Variants in KLRC3 observed in about 807,000 individuals in gnomAD.
KLRC3 encodes the protein NKG2-E type II integral membrane protein.
In KLRC3, 16 loss-of-function variants were observed where a neutral mutation model predicts 23.6. That is an observed-to-expected ratio of 0.68 (90% CI 0.46 to 1.03). The LOEUF (loss-of-function observed/expected upper bound fraction) is 1.03, where lower values mean the gene tolerates loss of function less well. Among genes scored for constraint, KLRC3 ranks in the 50% least tolerant of loss-of-function variants. KLRC3 has a pLI of 0.00. For missense variants in KLRC3, 209 were observed against 232.2 expected, an observed-to-expected ratio of 0.90 and a Z score of 0.65; for synonymous variants, 70 against 71.8, an observed-to-expected ratio of 0.98 and a Z score of 0.13.
At chr12:10,414,556 G>T (rs1863613165) in intron 6 of KLRC3, among the ~76,000 whole-genome samples, 2 of 142,004 alleles carry the variant, frequency 1.4e-5, no homozygotes, top group African/African-American at 5.2e-5. Context: ...AAAAATAAAA[G>T]TGTGATTATT....
intron 6 of KLRC3, among the ~76,000 whole-genome samples, chr12:10,413,692 A>C (rs892374212): frequency 6.6e-6 from 1 of 152,206 alleles, no homozygotes; most frequent in Non-Finnish European, 1.5e-5. Flanking sequence ...GGTTTGTTAC[A>C]TAGGCATAGA....
In KLRC3 at chr12:10,415,811, T is replaced by C. The variant is rs1344771134; in HGVS notation, c.588-17A>G. 3 of 1,566,192 alleles carry C rather than the reference T, an allele frequency of 1.9e-6. No homozygotes were observed. Among genetic ancestry groups the C allele is most frequent in the East Asian group, 2.2e-5 (1 of 44,582 alleles). Reference sequence around the variant, plus strand: ...TCTTTTATCCTGTAATGGAGAAAAATCCATAATTCTGTTACATTTTATGCA... The same window carrying C: ...TCTTTTATCCTGTAATGGAGAAAAACCCATAATTCTGTTACATTTTATGCA... On this transcript the variant is annotated splice_polypyrimidine_tract_variant and intron_variant, in intron 5 of 6. Transcript: ENST00000396439.
intron 6 of KLRC3, 25 bp downstream of exon 6, chr12:10,415,679 C>T: frequency 6.2e-7 from 1 of 1,613,426 alleles, no homozygotes; most frequent in Non-Finnish European, 8.5e-7. Flanking sequence ...AGCTCAAGCG[C>T]TTTAATTCTA....
intron 6 of KLRC3, among the ~76,000 whole-genome samples, chr12:10,413,293 A>G (rs1229806274): frequency 6.6e-6 from 1 of 152,180 alleles, no homozygotes; most frequent in Non-Finnish European, 1.5e-5. Flanking sequence ...GGCCAAAGAA[A>G]TTATCAAGAT....
At chr12:10,416,877 G>A (rs1167270165) in intron 4 of KLRC3, 110 bp from the exon 5 acceptor site, 19 of 924,150 alleles carry the variant, frequency 2.1e-5, no homozygotes, top group African/African-American at 1.9e-4. Flanking sequence ...TTTCATAAAT[G>A]TTTGAATTTT....
In KLRC3 at chr12:10,418,488, A is replaced by T. The variant is rs774185424; in HGVS notation, c.342T>A (p.Cys114Ter). The T allele has an allele frequency of 3.2e-5, 51 of 1,587,746 alleles. No individual in the cohort carries two copies. The highest frequency in any genetic ancestry group is 4.1e-5 in the Non-Finnish European group (48 of 1,158,742). ...PNARTQKARH[C>*]GHCPEEWITY... ...TAATCCACTCCTCAGGACAATGGCC[A>T]CAATGACGTGCTAATAAAGATATGA... The change falls in exon 4 of 7, where the codon TGT (cysteine) becomes TGA (stop). Residue 114 changes from cysteine to a stop codon, truncating the protein, a stop_gained. Transcript: ENST00000396439. LOFTEE classifies it high-confidence loss of function.
At position 10,412,722 on chromosome 12, in the gene KLRC3, G is replaced by C. The variant is rs980433147; in HGVS notation, c.679-106C>G. The C allele has an allele frequency of 4.7e-6, 3 of 635,246 alleles. No individual in the cohort carries two copies. In the African/African-American group the frequency reaches 5.7e-5, roughly 12 times the overall value. 39.4% of individuals were successfully genotyped at this position (635,246 alleles called of 1,614,324 possible). A position where few individuals can be genotyped will look rare whatever the true frequency, so the allele number is the denominator to read the frequency against. On this transcript the variant is annotated intron_variant, in intron 6 of 6. Coordinates refer to ENST00000396439, the MANE Select transcript of KLRC3 (RefSeq NM_002261.3). ...GCTTGAGCCTTGGAGGTGAGGTCGA[G>C]GCTGCAGTGAGCCGAGATGAAATTT...
chr12:10,414,987 T>C (rs1166763445), intron 6 of KLRC3, among the ~76,000 whole-genome samples: 1 of 152,112 alleles, frequency 6.6e-6, no homozygotes, highest in Non-Finnish European at 1.5e-5. Flanking sequence ...CATTTCTGTA[T>C]GATTCAAACC....
At chr12:10,414,213 G>T (rs1355163208) in intron 6 of KLRC3, among the ~76,000 whole-genome samples, 11 of 152,046 alleles carry the variant, frequency 7.2e-5, no homozygotes, top group Non-Finnish European at 1.5e-5. Context: ...ACAAAGCCTA[G>T]TTTAACATTT....
In KLRC3 at chr12:10,412,405, T is replaced by C. The variant is rs17548990; in HGVS notation, c.*167A>G. ...TGACTAATGCTTAAATCAAACTATA[T>C]AGAGAGGGAAAAGTAATTTTTAAAA... is the stretch of plus-strand genomic sequence containing the variant. On this transcript the variant is annotated 3_prime_UTR_variant, in exon 7 of 7. Transcript: ENST00000396439. 6.0e-5 allele frequency: 38 copies of C among 628,316 alleles called. No homozygotes were observed. The highest frequency in any genetic ancestry group is 9.9e-5 in the Non-Finnish European group (35 of 355,162). 38.9% of individuals were successfully genotyped at this position (628,316 alleles called of 1,614,324 possible).
chr12:10,418,663 T>A (rs116942149), intron 3 of KLRC3, among the ~76,000 whole-genome samples, 165 bp from the exon 4 acceptor site: 1 of 152,168 alleles, frequency 6.6e-6, no homozygotes, highest in Non-Finnish European at 1.5e-5. Context: ...CATACACACA[T>A]ACACAGAAAA....
chr12:10,417,613 G>A (rs72475440), intron 4 of KLRC3, among the ~76,000 whole-genome samples: 10,288 of 151,230 alleles, frequency 0.068, 737 homozygotes, highest in South Asian at 0.27. Flanking sequence ...TCTCATACCA[G>A]GAGACACCAG....
chr12:10,418,531 T>C (rs1565503279), intron 3 of KLRC3, 33 bp from the exon 4 acceptor site: 1 of 1,519,014 alleles, frequency 6.6e-7, no homozygotes, highest in South Asian at 1.2e-5. Flanking sequence ...TCTAGACCAA[T>C]ATGAATTTTT....
chr12:10,418,268 A>T (rs1286943044), intron 4 of KLRC3, 76 bp downstream of exon 4: 1 of 1,347,620 alleles, frequency 7.4e-7, no homozygotes, highest in Non-Finnish European at 1.0e-6. Flanking sequence ...ATGTACACAC[A>T]TATGGATGTT....
In KLRC3 at chr12:10,412,514, T is replaced by C. The variant is rs17548983; in HGVS notation, c.*58A>G. 0.19 allele frequency: 132,117 copies of C among 701,688 alleles called. 14,084 individuals are homozygous for C. The highest frequency in any genetic ancestry group is 0.24 in the Middle Eastern group (1,042 of 4,366). The allele number at this position is 701,688 out of a possible 1,614,324, so 43.5% of individuals were successfully genotyped here. On this transcript the variant is annotated 3_prime_UTR_variant, in exon 7 of 7. Transcript: ENST00000396439. ...ATGGTACATGAGCACTCAGGGGCGG[T>C]GGCTTGTGTCAGTAATCCCAGCAAC...
At position 10,416,709 on chromosome 12, in the gene KLRC3, T is replaced by C. The variant is rs1298220010; in HGVS notation, c.545A>G (p.His182Arg). 1.2e-6 allele frequency: 2 copies of C among 1,611,384 alleles called. No homozygotes were observed. The highest frequency in any genetic ancestry group is 1.7e-6 in the Non-Finnish European group (2 of 1,178,620). ...SWIGVFRNSS[H>R]HPWVTINGLA... is the part of the protein sequence containing the mutation. ...ACCATTTATTGTCACCCATGGATGA[T>C]GACTGCTGTTACGAAACACACCAAT... Residue 182 changes from histidine (H) to arginine (R), a missense_variant, in exon 5 of 7, where the codon CAT (histidine) becomes CGT (arginine). His to Arg is a conservative substitution (Grantham distance 29, BLOSUM62 0). Around this residue, in one of 4 missense-constraint regions of KLRC3, gnomAD observed 17 missense variants for 39.5 expected, o/e 0.43. Transcript: ENST00000396439.
chr12:10,416,452 C>A (rs534358287), intron 5 of KLRC3, among the ~76,000 whole-genome samples: 1 of 152,170 alleles, frequency 6.6e-6, no homozygotes, highest in Non-Finnish European at 1.5e-5. Flanking sequence ...GATTAGACAC[C>A]CCTGGTCCAT....
At chr12:10,416,585 G>T in intron 5 of KLRC3, 82 bp downstream of exon 5, 1 of 1,447,978 alleles carries the variant, frequency 6.9e-7, no homozygotes, top group Non-Finnish European at 9.3e-7. Flanking sequence ...TCATATCAAT[G>T]ATTCCACATA....
rs1863588436 is a variant in KLRC3 at position 10,412,408 on chromosome 12, A to G, written c.*164T>C. ...CTAATGCTTAAATCAAACTATATAG[A>G]GAGGGAAAAGTAATTTTTAAAACAT... On this transcript the variant is annotated 3_prime_UTR_variant, in exon 7 of 7. Transcript: ENST00000396439. 1 of 628,952 alleles carries G rather than the reference A, an allele frequency of 1.6e-6. No individual in the cohort carries two copies. The allele number at this position is 628,952 out of a possible 1,614,324, so 39.0% of individuals were successfully genotyped here. A position where few individuals can be genotyped will look rare whatever the true frequency, so the allele number is the denominator to read the frequency against.
Sources: allele counts gnomAD v4.1 joint callset (sites outside exome capture counted in the v4.1 genomes callset), GRCh38; gene constraint gnomAD v4.1.1; regional missense constraint gnomAD v4.1.1; transcripts MANE v1.5; gene names NCBI Gene and HGNC (gene_info 2026-07-23, HGNC 2026-07-21).